The following DCBLD2 variants were observed in gnomAD, a reference collection of about 807,000 sequenced individuals.
The protein encoded by DCBLD2 is discoidin, CUB and LCCL domain containing 2.
DCBLD2 carries 54 observed loss-of-function variants against 86.8 expected under a neutral mutation model. The observed-to-expected ratio is 0.62, with a 90% CI of 0.50 to 0.78. The LOEUF (loss-of-function observed/expected upper bound fraction) is 0.78. Among genes scored for constraint, DCBLD2 ranks in the 30% least tolerant of loss-of-function variants. The pLI, the probability that DCBLD2 is intolerant of heterozygous loss-of-function variation, is 0.00. For missense variants in DCBLD2, 908 were observed against 954.2 expected (o/e 0.95, Z 0.64); for synonymous variants, 354 against 341.3 (o/e 1.04, Z -0.41).
rs144293195 is a variant in DCBLD2, at chr3:98,879,776, C to T, written c.433+1764G>A. ...CCCCTCCTCCTATTTTTTTAAAATG[C>T]TATGTATATGTTGAAGAAACTAGGT... On this transcript the variant is annotated intron_variant, in intron 2 of 15. Coordinates refer to ENST00000326840, the MANE Select transcript of DCBLD2 (RefSeq NM_080927.4). 5.9e-4 allele frequency among the ~76,000 whole-genome samples: 89 copies of T among 152,104 alleles called. 1 individual carries two copies. The East Asian group carries it at 0.016, about 28-fold the overall frequency.
chr3:98,881,361 T>C (rs944877605), intron 2 of DCBLD2, among the ~76,000 whole-genome samples, 179 bp downstream of exon 2: 1 of 151,226 alleles, frequency 6.6e-6, no homozygotes, highest in Admixed American at 6.6e-5. Flanking sequence ...GAAAAGTAAA[T>C]AAAGTAAACA....
At chr3:98,849,332 T>C (rs1942788584) in intron 3 of DCBLD2, 129 bp downstream of exon 3, 3 of 1,141,120 alleles carry the variant, frequency 2.6e-6, no homozygotes, top group African/African-American at 1.5e-5. Flanking sequence ...CAAATTTATA[T>C]ATGTGCTATT....
rs184202293 is a variant in DCBLD2 at position 98,826,635 on chromosome 3, G to C, written c.572-1269C>G. Among the ~76,000 whole-genome samples, 18 of 152,354 alleles carry C rather than the reference G, an allele frequency of 1.2e-4. No individual in the cohort carries two copies. In the East Asian group the frequency reaches 3.3e-3, roughly 28 times the overall value. On this transcript the variant is annotated intron_variant, in intron 3 of 15. Coordinates refer to ENST00000326840, the MANE Select transcript of DCBLD2 (RefSeq NM_080927.4). ...CTCTATAAAGCCTAGTCCCCGGACA[G>C]AGCCTGAGGCTGTTTGTCCTCACCT...
At chr3:98,838,828 C>G (rs1414439106) in intron 3 of DCBLD2, among the ~76,000 whole-genome samples, 2 of 152,110 alleles carry the variant, frequency 1.3e-5, no homozygotes, top group African/African-American at 2.4e-5. Flanking sequence ...GCGGATCACT[C>G]GCGGTTAGGG....
intron 3 of DCBLD2, among the ~76,000 whole-genome samples, chr3:98,840,345 C>A (rs1299542997): frequency 6.6e-6 from 1 of 152,098 alleles, no homozygotes; most frequent in African/African-American, 2.4e-5. Context: ...CAAAGATACA[C>A]TAAAATTTCT....
chr3:98,853,984 G>GT (rs66721700), intron 2 of DCBLD2, among the ~76,000 whole-genome samples: 55,149 of 150,748 alleles, frequency 0.37, 10,921 homozygotes, highest in East Asian at 0.71. Context: ...TTACGAACAG[G>GT]TTTTTTTTTT....
At chr3:98,863,826 G>A (rs1296428649) in intron 2 of DCBLD2, among the ~76,000 whole-genome samples, 3 of 152,128 alleles carry the variant, frequency 2.0e-5, no homozygotes, top group Non-Finnish European at 4.4e-5. Context: ...AACACCAAAA[G>A]CAATGGCAAC....
intron 14 of DCBLD2, 31 bp from the exon 15 acceptor site, chr3:98,800,747 T>A: frequency 6.2e-7 from 1 of 1,613,596 alleles, no homozygotes; most frequent in Non-Finnish European, 8.5e-7. Flanking sequence ...AAAGAGACCA[T>A]TAAATAAAAA....
At chr3:98,879,931 G>A (rs1000532364) in intron 2 of DCBLD2, among the ~76,000 whole-genome samples, 1 of 152,176 alleles carries the variant, frequency 6.6e-6, no homozygotes, top group African/African-American at 2.4e-5. Context: ...TTTCCTCACT[G>A]TTGCTTAAAG....
chr3:98,848,444 T>C (rs1305938641), intron 3 of DCBLD2, among the ~76,000 whole-genome samples: 1 of 152,232 alleles, frequency 6.6e-6, no homozygotes, highest in Non-Finnish European at 1.5e-5. Flanking sequence ...CATGCTTATG[T>C]CTTTATGACA....
intron 1 of DCBLD2, among the ~76,000 whole-genome samples, chr3:98,889,016 T>A (rs1421305303): frequency 1.3e-5 from 2 of 151,966 alleles, no homozygotes; most frequent in Non-Finnish European, 2.9e-5. Flanking sequence ...TCTCTCTCCA[T>A]CTGTTAAGCT....
intron 1 of DCBLD2, among the ~76,000 whole-genome samples, chr3:98,894,386 T>A (rs1236649052): frequency 6.6e-6 from 1 of 152,224 alleles, no homozygotes; most frequent in East Asian, 1.9e-4. Flanking sequence ...ACTTTTATAA[T>A]ATTGGAGATG....
At chr3:98,819,160 ATAAG>A (rs1559772818) in intron 8 of DCBLD2, 38 bp downstream of exon 8, 1 of 1,507,666 alleles carries the variant, frequency 6.6e-7, no homozygotes, top group East Asian at 2.5e-5. Flanking sequence ...TTCAAATAAA[ATAAG>A]TGTTACAAAT....
At chr3:98,807,172 C>A (rs1189773016) in intron 13 of DCBLD2, among the ~76,000 whole-genome samples, 1 of 152,214 alleles carries the variant, frequency 6.6e-6, no homozygotes, top group African/African-American at 2.4e-5. Flanking sequence ...GACTCTCCCA[C>A]GCCAAGCGTA....
Position 98,835,940 on chromosome 3 carries a change from T to TTC in DCBLD2, c.572-10575_572-10574insGA, listed in dbSNP as rs1447650956. 5.6e-4 allele frequency among the ~76,000 whole-genome samples: 79 copies of TTC among 140,070 alleles called. 1 individual carries two copies. The highest frequency in any genetic ancestry group is 1.8e-3 in the South Asian group (8 of 4,360). The allele number at this position is 140,070 out of a possible 152,430, so 91.9% of individuals were successfully genotyped here. On this transcript the variant is annotated intron_variant, in intron 3 of 15. Transcript: ENST00000326840. Reference sequence around the variant, plus strand: ...TTTCTTTCTTCCTTCCTTTCTTTCTTTTTTTTTTTTTTTAAGATTTTTAAA... The same window carrying TTC: ...TTTCTTTCTTCCTTCCTTTCTTTCTTTCTTTTTTTTTTTTTAAGATTTTTAAA...
chr3:98,888,927 C>T (rs896052786), intron 1 of DCBLD2, among the ~76,000 whole-genome samples: 2 of 151,944 alleles, frequency 1.3e-5, no homozygotes, highest in Non-Finnish European at 2.9e-5. Flanking sequence ...TTTAACATCT[C>T]GCTCTTCTGG....
At chr3:98,818,265 C>T (rs1942058309) in intron 8 of DCBLD2, among the ~76,000 whole-genome samples, 2 of 152,078 alleles carry the variant, frequency 1.3e-5, no homozygotes, top group Non-Finnish European at 2.9e-5. Flanking sequence ...CAAAATTAAA[C>T]CAATCCCAAC....
intron 3 of DCBLD2, among the ~76,000 whole-genome samples, chr3:98,827,505 C>T (rs756508924): frequency 9.2e-5 from 14 of 152,290 alleles, no homozygotes; most frequent in Middle Eastern, 6.8e-3. Context: ...TAAGTGCATG[C>T]AGTGCTGAGA....
At chr3:98,817,565 T>C (rs900658444) in intron 9 of DCBLD2, among the ~76,000 whole-genome samples, 7 of 152,164 alleles carry the variant, frequency 4.6e-5, no homozygotes, top group Non-Finnish European at 1.0e-4. Flanking sequence ...GTACTCACCG[T>C]TACAATCACC....
Sources: gnomAD v4.1 joint callset for allele counts (sites outside exome capture counted in the v4.1 genomes callset) on GRCh38, gnomAD v4.1.1 for gene constraint, MANE v1.5 for transcripts, NCBI Gene and HGNC (gene_info 2026-07-23, HGNC 2026-07-21) for gene names.